The following CHD9 variants were observed in gnomAD, a reference collection of about 807,000 sequenced individuals.
CHD9 encodes the protein ATP-dependent chromatin remodeler CHD9.
CHD9 carries 77 observed loss-of-function variants against 316.1 expected under a neutral mutation model. The observed-to-expected ratio is 0.24, with a 90% CI of 0.20 to 0.29. The LOEUF (loss-of-function observed/expected upper bound fraction) is 0.29. CHD9 is among the 10% of genes least tolerant of loss of function. The probability of loss-of-function intolerance (pLI) is 1.00; values close to 1 mark genes in which losing one functional copy is unlikely to be tolerated. For missense variants in CHD9, 2,763 were observed against 3,438.1 expected (o/e 0.80, Z 4.91); for synonymous variants, 1,129 against 1,158.3 (o/e 0.97, Z 0.51).
At chr16:53,132,276 C>T (rs993350091) in intron 1 of CHD9, among the ~76,000 whole-genome samples, 2 of 152,012 alleles carry the variant, frequency 1.3e-5, no homozygotes, top group African/African-American at 2.4e-5. Context: ...ATATTCATAC[C>T]TAAGAATTCC....
chr16:53,267,902 A>G (rs753256056), intron 21 of CHD9, 25 bp from the exon 22 acceptor site: 24 of 1,596,850 alleles, frequency 1.5e-5, no homozygotes, highest in East Asian at 4.5e-5. Flanking sequence ...CTCAATATCA[A>G]TGTAACTATA....
intron 2 of CHD9, chr16:53,208,418 C>A: frequency 8.0e-7 from 1 of 1,245,046 alleles, no homozygotes. Context: ...GATTGAATAA[C>A]CTTCCTTATT....
chr16:53,320,736 C>T (rs2057219443), intron 37 of CHD9, among the ~76,000 whole-genome samples: 1 of 152,018 alleles, frequency 6.6e-6, no homozygotes, highest in African/African-American at 2.4e-5. Context: ...ATTATTTTGT[C>T]TGTGTCATAT....
intron 1 of CHD9, among the ~76,000 whole-genome samples, chr16:53,113,951 C>T (rs1447772247): frequency 6.6e-6 from 1 of 151,992 alleles, no homozygotes; most frequent in Non-Finnish European, 1.5e-5. Flanking sequence ...CACCTCCCAC[C>T]TTGGCTTCCC....
chr16:53,296,801 A>T (rs992280463), intron 29 of CHD9, among the ~76,000 whole-genome samples, 155 bp from the exon 30 acceptor site: 3 of 152,178 alleles, frequency 2.0e-5, no homozygotes, highest in African/African-American at 7.2e-5. Context: ...GTTAACTAGC[A>T]TTTAAAAATG....
chr16:53,306,582 T>C lies in CHD9; in HGVS notation c.6780+185T>C, dbSNP rs538116119. Among the ~76,000 whole-genome samples the C allele has an allele frequency of 3.9e-5, 6 of 152,354 alleles. No individual in the cohort carries two copies. In the South Asian group the frequency reaches 1.0e-3, roughly 26 times the overall value. Reference sequence around the variant, plus strand: ...AATAGTTCTGCTTTAATGTGTATGCTTCTCAACATAACTTTAGAATGTTTA... The same window carrying C: ...AATAGTTCTGCTTTAATGTGTATGCCTCTCAACATAACTTTAGAATGTTTA... On this transcript the variant is annotated intron_variant, in intron 32 of 38. Transcript: ENST00000447540.
intron 1 of CHD9, among the ~76,000 whole-genome samples, chr16:53,147,683 A>G (rs1028374071): frequency 3.3e-5 from 5 of 152,212 alleles, no homozygotes; most frequent in African/African-American, 1.2e-4. Flanking sequence ...GGCATGTATC[A>G]AAACTTTATT....
At chr16:53,223,367 T>C (rs2047403697) in intron 4 of CHD9, 1 of 152,128 alleles carries the variant, frequency 6.6e-6, no homozygotes, top group African/African-American at 2.4e-5. Flanking sequence ...AACTAAAGTA[T>C]GACTGTAGGC....
At chr16:53,318,808 A>G (rs917665248) in intron 37 of CHD9, among the ~76,000 whole-genome samples, 1 of 152,232 alleles carries the variant, frequency 6.6e-6, no homozygotes, top group Admixed American at 6.5e-5. Context: ...TGTACTGGAA[A>G]GGTTGAGAAA....
intron 3 of CHD9, among the ~76,000 whole-genome samples, chr16:53,218,773 G>C (rs1393853634): frequency 6.6e-6 from 1 of 152,120 alleles, no homozygotes; most frequent in Non-Finnish European, 1.5e-5. Context: ...AATAGGCCAT[G>C]ATTTCCATTT....
rs372258747 is a variant in CHD9 at position 53,211,417 on chromosome 16, G to A, written c.1784+1604G>A. ...TGTGATATCTGTGTTTTTGTTAGGA[G>A]TAGGTAAATTATTCATAGTAAATTA... On this transcript the variant is annotated intron_variant, in intron 3 of 38. Coordinates refer to ENST00000447540, the MANE Select transcript of CHD9 (RefSeq NM_001308319.2). Among the ~76,000 whole-genome samples, 22 of 152,246 alleles carry A rather than the reference G, an allele frequency of 1.4e-4. No individual in the cohort carries two copies. The East Asian group carries it at 2.9e-3, about 20-fold the overall frequency.
chr16:53,316,243 TC>T (rs1567680825), intron 36 of CHD9, among the ~76,000 whole-genome samples: 1 of 152,160 alleles, frequency 6.6e-6, no homozygotes, highest in Non-Finnish European at 1.5e-5. Flanking sequence ...ATAATGGGAA[TC>T]CTGAGTTGAA....
chr16:53,200,658 G>T (rs187326966), intron 2 of CHD9, among the ~76,000 whole-genome samples: 1 of 152,258 alleles, frequency 6.6e-6, no homozygotes, highest in African/African-American at 2.4e-5. Context: ...TTATGGGCAA[G>T]AATCAATGAA....
chr16:53,159,975 G>A (rs1445359273), intron 2 of CHD9, among the ~76,000 whole-genome samples: 1 of 152,312 alleles, frequency 6.6e-6, no homozygotes, highest in African/African-American at 2.4e-5. Context: ...CTAGGGAGAT[G>A]TAGAAACATT....
intron 1 of CHD9, among the ~76,000 whole-genome samples, chr16:53,147,294 G>A (rs983203895): frequency 3.3e-5 from 5 of 152,170 alleles, no homozygotes; most frequent in Admixed American, 1.3e-4. Flanking sequence ...TGAGCAGAGG[G>A]AACAGTAAAT....
chr16:53,103,799 C>T (rs2152572622), intron 1 of CHD9, among the ~76,000 whole-genome samples: 1 of 152,296 alleles, frequency 6.6e-6, no homozygotes, highest in African/African-American at 2.4e-5. Context: ...TTTTGTACCC[C>T]TCTTTACCTT....
At chr16:53,181,988 A>C (rs1408960879) in intron 2 of CHD9, among the ~76,000 whole-genome samples, 1 of 152,132 alleles carries the variant, frequency 6.6e-6, no homozygotes, top group African/African-American at 2.4e-5. Flanking sequence ...CTGAGGCAGG[A>C]GAATCACTTG....
chr16:53,131,428 G>T (rs1294866832), intron 1 of CHD9: 1 of 145,948 alleles, frequency 6.9e-6, no homozygotes, highest in Non-Finnish European at 1.5e-5. Flanking sequence ...TCGGGCGGGC[G>T]GGCCCGCGGG....
At chr16:53,215,510 GCAT>G (rs375908369) in intron 3 of CHD9, among the ~76,000 whole-genome samples, 61 of 152,184 alleles carry the variant, frequency 4.0e-4, no homozygotes, top group African/African-American at 1.4e-3. Flanking sequence ...CTTTAAATGG[GCAT>G]CATTTCACTG....
Sources: gnomAD v4.1 joint callset for allele counts (sites outside exome capture counted in the v4.1 genomes callset) on GRCh38, gnomAD v4.1.1 for gene constraint, MANE v1.5 for transcripts, NCBI Gene and HGNC (gene_info 2026-07-23, HGNC 2026-07-21) for gene names.